ERC1: variants seen among roughly 807,000 people sequenced by gnomAD.
ERC1 encodes the protein ELKS/RAB6-interacting/CAST family member 1, also known as RAB6 interacting protein 2.
A neutral mutation model predicts 132.0 loss-of-function variants in ERC1; 56 were observed. That is an observed-to-expected ratio of 0.42 (90% CI 0.34 to 0.53). The LOEUF is 0.53. Ranked by LOEUF, ERC1 falls within the 20% of genes least tolerant of loss-of-function variation. The pLI is 0.03. For synonymous variants in ERC1, 478 were observed against 476.1 expected, an observed-to-expected ratio of 1.00 and a Z score of -0.05; for missense variants, 1,202 against 1,349.9, an observed-to-expected ratio of 0.89 and a Z score of 1.72.
intron 17 of ERC1, among the ~76,000 whole-genome samples, chr12:1,418,625 TTCTTTCTTTCTTTC>T (rs1387470456): frequency 7.0e-5 from 8 of 114,786 alleles, no homozygotes; most frequent in Admixed American, 2.7e-4. Flanking sequence ...CTTTCTTTCT[TTCTTTCTTTCTTTC>T]TTTCTCTCTC....
chr12:1,239,330 A>G (rs1405179993), intron 13 of ERC1, among the ~76,000 whole-genome samples: 1 of 152,172 alleles, frequency 6.6e-6, no homozygotes, highest in Non-Finnish European at 1.5e-5. Context: ...TGCTAGGACT[A>G]TAGGCGTGAG....
rs973705144 is a variant in ERC1 at position 1,179,510 on chromosome 12, T to C, written c.1738-1030T>C. Among the ~76,000 whole-genome samples the C allele has an allele frequency of 2.7e-3, 373 of 139,098 alleles. 1 individual carries two copies. The highest frequency in any genetic ancestry group is 9.5e-3 in the African/African-American group (356 of 37,308). The allele number at this position is 139,098 out of a possible 152,430, so 91.3% of individuals were successfully genotyped here. On this transcript the variant is annotated intron_variant, in intron 8 of 18. Coordinates refer to ENST00000360905, the MANE Select transcript of ERC1 (RefSeq NM_178040.4). ...AGTCTATTCATTTTTCTTTTTTTTT[T>C]TTTTTTTTTTTTTTTGAGACGGAGT... is the stretch of plus-strand genomic sequence containing the variant.
chr12:1,016,365 G>A (rs1044016029), intron 1 of ERC1, among the ~76,000 whole-genome samples: 3 of 152,102 alleles, frequency 2.0e-5, no homozygotes, highest in Non-Finnish European at 4.4e-5. Flanking sequence ...ATGATATTTG[G>A]TGTTCCTTTG....
chr12:1,191,797 G>C (rs1955760469), intron 12 of ERC1, among the ~76,000 whole-genome samples: 1 of 151,684 alleles, frequency 6.6e-6, no homozygotes, highest in Non-Finnish European at 1.5e-5. Context: ...CTGTCCTCTG[G>C]CCCTATTGCA....
chr12:1,379,892 G>C (rs1368435001), intron 16 of ERC1, among the ~76,000 whole-genome samples: 1 of 152,116 alleles, frequency 6.6e-6, no homozygotes, highest in East Asian at 1.9e-4. Flanking sequence ...CGAATACCTG[G>C]AGACAGAGAT....
At chr12:1,119,210 G>A (rs1946782376) in intron 7 of ERC1, among the ~76,000 whole-genome samples, 1 of 152,096 alleles carries the variant, frequency 6.6e-6, no homozygotes. Context: ...AATCCTTTAA[G>A]GAAAACAGTT....
Position 1,083,145 on chromosome 12 carries a change from C to T in ERC1, c.670-19C>T, listed in dbSNP as rs936273281. On this transcript the variant is annotated intron_variant, in intron 2 of 18. Coordinates refer to ENST00000360905, the MANE Select transcript of ERC1 (RefSeq NM_178040.4). ...GGAGGAAAGCTGATTTGGGGGTTTT[C>T]TTTTTGTCTTGGTTCTAGCACATGC... 26 of 1,580,498 alleles carry T rather than the reference C, an allele frequency of 1.6e-5. No homozygotes were observed. The highest frequency in any genetic ancestry group is 1.7e-4 in the Middle Eastern group (1 of 5,908).
At chr12:1,242,852 T>C (rs1330126440) in intron 13 of ERC1, among the ~76,000 whole-genome samples, 1 of 152,180 alleles carries the variant, frequency 6.6e-6, no homozygotes, top group Non-Finnish European at 1.5e-5. Context: ...AATAATATAG[T>C]GTAACAGCTA....
chr12:1,226,517 T>G (rs1333125250), intron 12 of ERC1, among the ~76,000 whole-genome samples: 1 of 152,194 alleles, frequency 6.6e-6, no homozygotes, highest in Non-Finnish European at 1.5e-5. Flanking sequence ...CACTGGATCT[T>G]CAGAACTTAC....
At chr12:1,351,693 G>C (rs1043316104) in intron 15 of ERC1, among the ~76,000 whole-genome samples, 1 of 151,736 alleles carries the variant, frequency 6.6e-6, no homozygotes, top group Admixed American at 6.6e-5. Context: ...ATTTTTAATT[G>C]ATACAACATA....
intron 15 of ERC1, among the ~76,000 whole-genome samples, chr12:1,342,460 C>G (rs1225101436): frequency 3.6e-5 from 5 of 139,328 alleles, no homozygotes; most frequent in African/African-American, 5.3e-5. Flanking sequence ...AAGAGCGAAA[C>G]TCTGTCTCAA....
chr12:1,155,870 A>T lies in ERC1; in HGVS notation c.1737+14083A>T, dbSNP rs995762106. On this transcript the variant is annotated intron_variant, in intron 8 of 18. Coordinates refer to ENST00000360905, the MANE Select transcript of ERC1 (RefSeq NM_178040.4). Reference sequence around the variant, plus strand: ...AGTAATATGTGTTCAAGGTAAAAAAAAAATAAATAAATAAAAATAAAAATT... The same window carrying T: ...AGTAATATGTGTTCAAGGTAAAAAATAAATAAATAAATAAAAATAAAAATT... Among the ~76,000 whole-genome samples, 95 of 152,044 alleles carry T rather than the reference A, an allele frequency of 6.2e-4. 1 individual carries two copies. The highest frequency in any genetic ancestry group is 1.2e-3 in the Admixed American group (19 of 15,278).
intron 13 of ERC1, chr12:1,257,078 C>T (rs1300529487): frequency 6.6e-6 from 1 of 150,738 alleles, no homozygotes; most frequent in African/African-American, 2.5e-5. Flanking sequence ...ATGGCGCCGG[C>T]TTCTGAAGCT....
chr12:1,082,655 TA>T, intron 2 of ERC1, among the ~76,000 whole-genome samples: 1 of 151,682 alleles, frequency 6.6e-6, no homozygotes, highest in South Asian at 2.1e-4. Flanking sequence ...CACGCCCGGC[TA>T]ACTTTTGTAT....
At chr12:1,353,762 A>G (rs1029027184) in intron 15 of ERC1, among the ~76,000 whole-genome samples, 8 of 152,166 alleles carry the variant, frequency 5.3e-5, no homozygotes, top group Non-Finnish European at 1.2e-4. Flanking sequence ...ATCTCTTTCC[A>G]CTTGTTTACT....
intron 16 of ERC1, among the ~76,000 whole-genome samples, chr12:1,396,375 T>C (rs12314755): frequency 6.6e-6 from 1 of 152,034 alleles, no homozygotes. Context: ...ACCTATCATT[T>C]TTTTGCACCA....
intron 18 of ERC1, among the ~76,000 whole-genome samples, chr12:1,452,160 T>G (rs994499537): frequency 1.3e-5 from 2 of 152,334 alleles, no homozygotes; most frequent in East Asian, 3.9e-4. Flanking sequence ...TTTTGAGATG[T>G]TCTCTGGGCA....
At chr12:1,143,296 G>T (rs1950018459) in intron 8 of ERC1, among the ~76,000 whole-genome samples, 1 of 150,428 alleles carries the variant, frequency 6.6e-6, no homozygotes, top group Non-Finnish European at 1.5e-5. Flanking sequence ...GCCTCCCAAG[G>T]CCACTGCTCC....
In ERC1 at chr12:1,493,371, C is replaced by T. The variant is rs926407833; in HGVS notation, c.*3141C>T. The T allele has an allele frequency of 2.7e-4, 47 of 174,064 alleles. No homozygotes were observed. The highest frequency in any genetic ancestry group is 5.2e-4 in the Non-Finnish European group (42 of 80,778). The allele number at this position is 174,064 out of a possible 1,614,324, so 10.8% of individuals were successfully genotyped here. On this transcript the variant is annotated 3_prime_UTR_variant, in exon 19 of 19. Coordinates refer to ENST00000360905, the MANE Select transcript of ERC1 (RefSeq NM_178040.4). ...CAGCCTGGCCAAGATGGCAAAAACC[C>T]CGACTCTACTAAAAATACAAAATTA...
Sources: allele counts gnomAD v4.1 joint callset (sites outside exome capture counted in the v4.1 genomes callset), GRCh38; gene constraint gnomAD v4.1.1; transcripts MANE v1.5; gene names NCBI Gene and HGNC (gene_info 2026-07-23, HGNC 2026-07-21).